The following HID1 variants were observed in gnomAD, a reference collection of about 807,000 sequenced individuals.
HID1 encodes HID1 domain containing.
HID1 carries 42 observed loss-of-function variants against 89.7 expected under a neutral mutation model. That is an observed-to-expected ratio of 0.47 (90% confidence interval 0.37 to 0.61). The LOEUF (loss-of-function observed/expected upper bound fraction) is 0.61, where lower values mean the gene tolerates loss of function less well. Ranked by LOEUF, HID1 falls within the 20% of genes least tolerant of loss-of-function variation. The pLI, the probability that HID1 is intolerant of heterozygous loss-of-function variation, is 0.00. For missense variants in HID1, 854 were observed against 1,039.3 expected, an observed-to-expected ratio of 0.82 and a Z score of 2.45; for synonymous variants, 442 against 433.8, an observed-to-expected ratio of 1.02 and a Z score of -0.24.
At position 74,963,859 on chromosome 17, in the gene HID1, C is replaced by T; in HGVS notation, c.268G>A (p.Glu90Lys). The change falls in exon 3 of 19, where the codon GAG (glutamate) becomes AAG (lysine). Residue 90 changes from glutamate to lysine, a missense_variant. Physicochemically the swap from Glu to Lys is moderately conservative, Grantham distance 56. Coordinates refer to ENST00000425042, the MANE Select transcript of HID1 (RefSeq NM_030630.3). ...CTGCAGTTCAGGACGATCTGCTTCTCCTTCTCCGAGTGGCAGCCACTCTCA... is the reference window on the plus strand; with the variant it reads ...CTGCAGTTCAGGACGATCTGCTTCTTCTTCTCCGAGTGGCAGCCACTCTCA... ...GAESGCHSEK[E>K]KQIVLNCSRL... 6.2e-7 allele frequency: 1 copy of T among 1,614,016 alleles called. No homozygotes were observed. The highest frequency in any genetic ancestry group is 8.5e-7 in the Non-Finnish European group (1 of 1,180,024).
At chr17:74,953,720 CTTT>C in intron 14 of HID1, 69 bp from the exon 15 acceptor site, 1 of 1,264,204 alleles carries the variant, frequency 7.9e-7, no homozygotes, top group South Asian at 1.2e-5. Context: ...CCTCCACCCA[CTTT>C]TTTATTTTTA....
rs568242111 is a variant in HID1, at chr17:74,965,892, G to C, written c.67-1260C>G. Among the ~76,000 whole-genome samples the C allele has an allele frequency of 1.8e-4, 27 of 151,446 alleles. 1 individual carries two copies. The highest frequency in any genetic ancestry group is 6.3e-4 in the African/African-American group (26 of 41,018). ...AGATCATGCCACTGCACTCCAGCCT[G>C]GGCAACAAGAGCAAAACCCCATCTC... On this transcript the variant is annotated intron_variant, in intron 1 of 18. Transcript: ENST00000425042.
rs1327078397 is a variant in HID1 at position 74,963,783 on chromosome 17, C to G, written c.344G>C (p.Arg115Thr). 6.2e-7 allele frequency: 1 copy of G among 1,613,904 alleles called. No individual in the cohort carries two copies. The highest frequency in any genetic ancestry group is 1.7e-5 in the Admixed American group (1 of 59,992). The change falls in exon 3 of 19, where the codon AGG (arginine) becomes ACG (threonine). Residue 115 changes from arginine to threonine, a missense_variant. Physicochemically the swap from Arg to Thr is moderately conservative, Grantham distance 71. Transcript: ENST00000425042. ...LPYIFEDPDW[R>T]GFFWSTVPGA... ...GGGCACTGTGGACCAGAAGAAGCCCCTCCAGTCGGGGTCCTCAAAGATGTA... is the reference window on the plus strand; with the variant it reads ...GGGCACTGTGGACCAGAAGAAGCCCGTCCAGTCGGGGTCCTCAAAGATGTA...
At chr17:74,954,492 G>A (rs2039358857) in intron 13 of HID1, 127 bp from the exon 14 acceptor site, 2 of 1,498,882 alleles carry the variant, frequency 1.3e-6, no homozygotes, top group Non-Finnish European at 1.8e-6. Context: ...GTTGGAGATG[G>A]TACAGGGAGC....
intron 12 of HID1, chr17:74,957,894 G>A: frequency 2.0e-6 from 1 of 506,138 alleles, no homozygotes; most frequent in East Asian, 3.5e-5. Context: ...GACTGAGTGT[G>A]AGAAGGGAAT....
At chr17:74,956,865 G>T (rs1039360285) in intron 12 of HID1, among the ~76,000 whole-genome samples, 1 of 152,220 alleles carries the variant, frequency 6.6e-6, no homozygotes, top group African/African-American at 2.4e-5. Context: ...TGCTGGGTGG[G>T]GGTAGGGGCT....
In HID1 at chr17:74,962,059, A is replaced by C; in HGVS notation, c.612-70T>G. ...CTTGGAGGTTCTGCCCACCCAGCCCAGCGCCCCAGCCCAGGTCCATGGAAG... is the reference window on the plus strand; with the variant it reads ...CTTGGAGGTTCTGCCCACCCAGCCCCGCGCCCCAGCCCAGGTCCATGGAAG... On this transcript the variant is annotated intron_variant, in intron 5 of 18. Transcript: ENST00000425042. This position sits in a 1 kb window ranked among gnomAD's most constrained non-coding sequence, Gnocchi z 4.3. The C allele has an allele frequency of 7.9e-7, 1 of 1,267,600 alleles. No homozygotes were observed. The highest frequency in any genetic ancestry group is 1.1e-6 in the Non-Finnish European group (1 of 924,630). 78.5% of individuals were successfully genotyped at this position (1,267,600 alleles called of 1,614,324 possible). A position where few individuals can be genotyped will look rare whatever the true frequency, so the allele number is the denominator to read the frequency against.
rs368184427 is a variant in HID1, at chr17:74,953,770, G to A, written c.1865-119C>T. 28 of 756,372 alleles carry A rather than the reference G, an allele frequency of 3.7e-5. 1 individual carries two copies. Among genetic ancestry groups the A allele is most frequent in the South Asian group, 9.9e-5 (6 of 60,528 alleles). 46.9% of individuals were successfully genotyped at this position (756,372 alleles called of 1,614,324 possible). On this transcript the variant is annotated intron_variant, in intron 14 of 18. Transcript: ENST00000425042. ...CCTGCTTCCCTCTGGAACCTCCACC[G>A]GCTCTAGAGGCAGTGTCTGATCACT...
intron 12 of HID1, 62 bp from the exon 13 acceptor site, chr17:74,956,018 G>T: frequency 6.5e-7 from 1 of 1,529,572 alleles, no homozygotes; most frequent in Non-Finnish European, 9.0e-7. Context: ...GCACATCCTG[G>T]GCCGGGGTGG....
rs531667788 is a variant in HID1 at position 74,954,189 on chromosome 17, C to G, written c.1813G>C (p.Ala605Pro). The G allele has an allele frequency of 1.2e-6, 2 of 1,602,460 alleles. No homozygotes were observed. The highest frequency in any genetic ancestry group is 1.7e-6 in the Non-Finnish European group (2 of 1,175,856). The change falls in exon 14 of 19, where the codon GCT becomes CCT. Residue 605 changes from alanine to proline, a missense_variant. Coordinates refer to ENST00000425042, the MANE Select transcript of HID1 (RefSeq NM_030630.3). ...AGGGTGCCTGGCTCTGCAGGGGCAGCGGGGCGGGAGCCCTCCATGGAGGTG... is the reference window on the plus strand; with the variant it reads ...AGGGTGCCTGGCTCTGCAGGGGCAGGGGGGCGGGAGCCCTCCATGGAGGTG... ...EGTSMEGSRP[A>P]APAEPGTLKT...
At position 74,958,787 on chromosome 17, in the gene HID1, G is replaced by C; in HGVS notation, c.1150-24C>G. 6.2e-7 allele frequency: 1 copy of C among 1,610,582 alleles called. No individual in the cohort carries two copies. The highest frequency in any genetic ancestry group is 8.5e-7 in the Non-Finnish European group (1 of 1,177,742). ...TTCTAGGGGTGCGGGGAGGGGCCAAGTGGGCTGAGTTCAAGGGAGGGGCAG... is the reference window on the plus strand; with the variant it reads ...TTCTAGGGGTGCGGGGAGGGGCCAACTGGGCTGAGTTCAAGGGAGGGGCAG... On this transcript the variant is annotated intron_variant, in intron 9 of 18. Transcript: ENST00000425042. This position sits in a 1 kb window ranked among gnomAD's most constrained non-coding sequence, Gnocchi z 5.2.
rs1267106824 is a variant in HID1, at chr17:74,952,261, C to T, written c.2144+8G>A. On this transcript the variant is annotated splice_region_variant and intron_variant, in intron 17 of 18. Coordinates refer to ENST00000425042, the MANE Select transcript of HID1 (RefSeq NM_030630.3). The stretch of plus-strand genomic sequence containing the variant: ...CACAACCCCCGGCCCTGCCGGCGCC[C>T]GACTCACTTGTCAATGCAGATCTTC... The T allele has an allele frequency of 6.2e-6, 10 of 1,611,944 alleles. No individual in the cohort carries two copies. Among genetic ancestry groups the T allele is most frequent in the Non-Finnish European group, 7.6e-6 (9 of 1,178,876 alleles).
Position 74,959,144 on chromosome 17 carries a change from C to G in HID1, c.1009-93G>C, listed in dbSNP as rs966898971. On this transcript the variant is annotated intron_variant, in intron 8 of 18. Transcript: ENST00000425042. This position sits in a 1 kb window ranked among gnomAD's most constrained non-coding sequence, Gnocchi z 4.6. ...GCCCCCAACAAATCCCCCCCTCCATCCCCCAGAGCCAGATCCCACCTCCAG... is the reference window on the plus strand; with the variant it reads ...GCCCCCAACAAATCCCCCCCTCCATGCCCCAGAGCCAGATCCCACCTCCAG... The G allele has an allele frequency of 8.0e-6, 11 of 1,377,600 alleles. No individual in the cohort carries two copies. The highest frequency in any genetic ancestry group is 1.1e-5 in the Non-Finnish European group (11 of 1,043,700). 85.3% of individuals were successfully genotyped at this position (1,377,600 alleles called of 1,614,324 possible).
Position 74,962,151 on chromosome 17 carries a change from G to A in HID1, c.611+83C>T. On this transcript the variant is annotated intron_variant, in intron 5 of 18. Coordinates refer to ENST00000425042, the MANE Select transcript of HID1 (RefSeq NM_030630.3). This position sits in a 1 kb window ranked among gnomAD's most constrained non-coding sequence, Gnocchi z 4.3. ...ATAGGTGAGGACGGTCTTCTGGGAA[G>A]ACCCCATGGGCTTTCTGAGCTGTGC... The A allele has an allele frequency of 7.9e-7, 1 of 1,261,418 alleles. No homozygotes were observed. 78.1% of individuals were successfully genotyped at this position (1,261,418 alleles called of 1,614,324 possible).
chr17:74,958,424 T>A lies in HID1; in HGVS notation c.1295A>T (p.Glu432Val), dbSNP rs1306933357. The A allele has an allele frequency of 1.9e-6, 3 of 1,604,650 alleles. No homozygotes were observed. The highest frequency in any genetic ancestry group is 2.6e-6 in the Non-Finnish European group (3 of 1,175,792). ...GVFILLLLSG[E>V]RNFGVRLNKP... is the part of the protein sequence containing the mutation. ...GTTCAGCCGCACCCCGAAGTTCCGC[T>A]CCCCGCTCAGAAGCAGCAAGATGAA... The change falls in exon 11 of 19, where the codon GAG (glutamate) becomes GTG (valine). Residue 432 changes from glutamate to valine, a missense_variant. By Grantham distance (121) the Glu-to-Val change is moderately radical. Coordinates refer to ENST00000425042, the MANE Select transcript of HID1 (RefSeq NM_030630.3). The surrounding 1 kb of genome is among the most constrained non-coding windows in gnomAD (Gnocchi z 5.2).
intron 18 of HID1, 50 bp from the exon 19 acceptor site, chr17:74,951,683 AG>A: frequency 1.3e-6 from 2 of 1,553,562 alleles, no homozygotes. Flanking sequence ...CTTGCAGACA[AG>A]GCACCAGGAG....
rs936353355 is a variant in HID1, at chr17:74,958,828, C to G, written c.1150-65G>C. ...GGAGGGGCAGCTCTGCCCCACCCCC[C>G]TCAGTCTGACACTGTCCCTGCCCCC... On this transcript the variant is annotated intron_variant, in intron 9 of 18. Transcript: ENST00000425042. The surrounding 1 kb of genome is among the most constrained non-coding windows in gnomAD (Gnocchi z 5.2). 6.3e-7 allele frequency: 1 copy of G among 1,594,244 alleles called. No individual in the cohort carries two copies. Among genetic ancestry groups the G allele is most frequent in the African/African-American group, 1.3e-5 (1 of 74,728 alleles).
At chr17:74,953,515 C>T (rs375423611) in intron 15 of HID1, 30 bp downstream of exon 15, 289 of 1,586,560 alleles carry the variant, frequency 1.8e-4, no homozygotes, top group African/African-American at 1.0e-3. Context: ...GGGCCAGCCA[C>T]GCCCGGCTCC....
In HID1 at chr17:74,959,127, C is replaced by T; in HGVS notation, c.1009-76G>A. The T allele has an allele frequency of 1.4e-6, 2 of 1,444,074 alleles. No homozygotes were observed. Among genetic ancestry groups the T allele is most frequent in the African/African-American group, 1.4e-5 (1 of 70,578 alleles). 89.5% of individuals were successfully genotyped at this position (1,444,074 alleles called of 1,614,324 possible). A position where few individuals can be genotyped will look rare whatever the true frequency, so the allele number is the denominator to read the frequency against. On this transcript the variant is annotated intron_variant, in intron 8 of 18. Coordinates refer to ENST00000425042, the MANE Select transcript of HID1 (RefSeq NM_030630.3). The surrounding 1 kb of genome is among the most constrained non-coding windows in gnomAD (Gnocchi z 4.6). The stretch of plus-strand genomic sequence containing the variant: ...CCAGTTTCCCAGCCCAGGCCCCCAA[C>T]AAATCCCCCCCTCCATCCCCCAGAG...
Sources: allele counts gnomAD v4.1 joint callset (sites outside exome capture counted in the v4.1 genomes callset), GRCh38; gene constraint gnomAD v4.1.1; non-coding constraint Gnocchi (gnomAD v3.1); transcripts MANE v1.5; gene names NCBI Gene and HGNC (gene_info 2026-07-23, HGNC 2026-07-21).